GREB1L: variants seen among roughly 807,000 people sequenced by gnomAD.
GREB1L encodes the protein GREB1-like protein.
In GREB1L, 17 loss-of-function variants were observed where a neutral mutation model predicts 200.8. That is an observed-to-expected ratio of 0.08 (90% CI 0.06 to 0.13). The LOEUF (loss-of-function observed/expected upper bound fraction) is 0.13. GREB1L is among the 10% of genes least tolerant of loss of function. GREB1L has a pLI of 1.00. For synonymous variants in GREB1L, 789 were observed against 893.0 expected, an observed-to-expected ratio of 0.88 and a Z score of 2.08; for missense variants, 1,657 against 2,367.7, an observed-to-expected ratio of 0.70 and a Z score of 6.23.
At chr18:21,389,574 G>C (rs558723802) in intron 4 of GREB1L, among the ~76,000 whole-genome samples, 1 of 152,142 alleles carries the variant, frequency 6.6e-6, no homozygotes, top group East Asian at 1.9e-4. Flanking sequence ...CACAGAAATT[G>C]CTCTGAAATA....
chr18:21,278,402 AAAT>A (rs2038212195), intron 1 of GREB1L, among the ~76,000 whole-genome samples: 1 of 139,084 alleles, frequency 7.2e-6, no homozygotes, highest in African/African-American at 3.1e-5. Flanking sequence ...ATAAATAAAT[AAAT>A]AAATAAATAA....
intron 19 of GREB1L, among the ~76,000 whole-genome samples, chr18:21,494,277 T>C (rs2036459247): frequency 6.6e-6 from 1 of 152,226 alleles, no homozygotes; most frequent in Non-Finnish European, 1.5e-5. Flanking sequence ...ACATATATAA[T>C]AAAAGATTGG....
intron 2 of GREB1L, among the ~76,000 whole-genome samples, chr18:21,374,174 T>C (rs774302361): frequency 6.6e-6 from 1 of 152,110 alleles, no homozygotes; most frequent in African/African-American, 2.4e-5. Context: ...CAGTTAATTT[T>C]TGTATTTTTT....
In GREB1L at chr18:21,450,900, T is replaced by A; in HGVS notation, c.1721-123T>A. On this transcript the variant is annotated intron_variant, in intron 12 of 32. Coordinates refer to ENST00000424526, the MANE Select transcript of GREB1L (RefSeq NM_001142966.3). ...GTCCATACCTTTTGATGTGTCATAA[T>A]TTTCTTAACCCAAGTCCCTATAGTG... The A allele has an allele frequency of 3.4e-6, 3 of 871,596 alleles. No homozygotes were observed. In the South Asian group the frequency reaches 5.6e-5, roughly 16 times the overall value. The allele number at this position is 871,596 out of a possible 1,614,324, so 54.0% of individuals were successfully genotyped here. A position where few individuals can be genotyped will look rare whatever the true frequency, so the allele number is the denominator to read the frequency against.
chr18:21,489,915 T>C, intron 18 of GREB1L, 97 bp from the exon 19 acceptor site: 1 of 847,702 alleles, frequency 1.2e-6, no homozygotes, highest in Admixed American at 2.4e-5. Flanking sequence ...CAGTAGCCCC[T>C]TCCCCACCAT....
chr18:21,391,655 G>A (rs1480729815), intron 4 of GREB1L, among the ~76,000 whole-genome samples: 1 of 152,224 alleles, frequency 6.6e-6, no homozygotes, highest in Non-Finnish European at 1.5e-5. Flanking sequence ...GGTTAGAACA[G>A]ATCTGTGTTC....
At chr18:21,356,617 A>C (rs1245896697) in intron 1 of GREB1L, among the ~76,000 whole-genome samples, 1 of 152,172 alleles carries the variant, frequency 6.6e-6, no homozygotes, top group Non-Finnish European at 1.5e-5. Context: ...TATTATGAAT[A>C]ATGCTGTAGT....
Position 21,485,370 on chromosome 18 carries a change from T to C in GREB1L, c.2557-250T>C, listed in dbSNP as rs913732132. On this transcript the variant is annotated intron_variant, in intron 17 of 32. Coordinates refer to ENST00000424526, the MANE Select transcript of GREB1L (RefSeq NM_001142966.3). ...AACAAAAAAAAAAGAAAACAAACCA[T>C]GTGCCTGAAGGAAGTGTGTCAACTT... is the stretch of plus-strand genomic sequence containing the variant. 1.1e-5 allele frequency: 4 copies of C among 356,290 alleles called. No homozygotes were observed. The South Asian group carries it at 1.9e-4, about 17-fold the overall frequency. 22.1% of individuals were successfully genotyped at this position (356,290 alleles called of 1,614,324 possible).
intron 7 of GREB1L, among the ~76,000 whole-genome samples, chr18:21,430,230 T>C (rs1417429970): frequency 6.6e-6 from 1 of 152,176 alleles, no homozygotes; most frequent in East Asian, 1.9e-4. Flanking sequence ...CAATTCAGTC[T>C]ATAACAATGG....
chr18:21,438,424 G>T (rs2033681017), intron 7 of GREB1L, among the ~76,000 whole-genome samples: 1 of 151,956 alleles, frequency 6.6e-6, no homozygotes, highest in Non-Finnish European at 1.5e-5. Context: ...CAACACTTTG[G>T]GAAGCCAAGG....
At chr18:21,297,661 T>G (rs1159023595) in intron 1 of GREB1L, among the ~76,000 whole-genome samples, 1 of 152,172 alleles carries the variant, frequency 6.6e-6, no homozygotes, top group Non-Finnish European at 1.5e-5. Flanking sequence ...ATGGTCATGC[T>G]TAAGAATCGG....
chr18:21,384,689 C>T (rs2040463925), intron 4 of GREB1L, among the ~76,000 whole-genome samples: 1 of 152,038 alleles, frequency 6.6e-6, no homozygotes. Flanking sequence ...ATTCTAAACC[C>T]AGGTCAAGGC....
chr18:21,509,372 A>G (rs2037146924), intron 27 of GREB1L, among the ~76,000 whole-genome samples: 1 of 152,192 alleles, frequency 6.6e-6, no homozygotes, highest in Non-Finnish European at 1.5e-5. Context: ...AAGGGAAGTA[A>G]TAACACCCAG....
intron 1 of GREB1L, among the ~76,000 whole-genome samples, chr18:21,280,741 G>A (rs936108713): frequency 6.6e-6 from 1 of 152,016 alleles, no homozygotes; most frequent in African/African-American, 2.4e-5. Context: ...TGTCTGAGAT[G>A]TTTCTCAGTT....
intron 15 of GREB1L, among the ~76,000 whole-genome samples, chr18:21,471,698 C>T (rs553154723): frequency 9.9e-5 from 15 of 151,158 alleles, no homozygotes; most frequent in African/African-American, 2.7e-4. Context: ...CTCGGCACAC[C>T]GCAACCTCGG....
intron 1 of GREB1L, among the ~76,000 whole-genome samples, chr18:21,281,601 A>C (rs1471256356): frequency 2.0e-5 from 3 of 152,246 alleles, no homozygotes; most frequent in African/African-American, 7.2e-5. Context: ...ATGTTAATTA[A>C]TATTTGCTAT....
intron 1 of GREB1L, among the ~76,000 whole-genome samples, chr18:21,265,742 A>T (rs1435162499): frequency 1.3e-5 from 2 of 152,180 alleles, no homozygotes; most frequent in Non-Finnish European, 2.9e-5. Flanking sequence ...ACTCAATTGG[A>T]AGATGACACA....
chr18:21,513,852 A>G lies in GREB1L; in HGVS notation c.4767A>G (p.Ser1589=), dbSNP rs907497362. The change falls in exon 28 of 33, where the codon TCA becomes TCG. Residue 1589 remains serine (S), a synonymous_variant. Transcript: ENST00000424526. The part of the protein sequence containing the change: ...GAARFLIKEL[S]YHNLELERNR... The stretch of plus-strand genomic sequence containing the variant: ...CCAGGTTCCTCATCAAGGAGCTATC[A>G]TATCACAACCTAGAATTGGAGAGAA... 32 of 1,551,518 alleles carry G rather than the reference A, an allele frequency of 2.1e-5. No individual in the cohort carries two copies. The highest frequency in any genetic ancestry group is 2.4e-5 in the East Asian group (1 of 40,922).
intron 2 of GREB1L, among the ~76,000 whole-genome samples, chr18:21,379,430 T>C (rs2040213298): frequency 6.6e-6 from 1 of 152,136 alleles, no homozygotes; most frequent in Admixed American, 6.6e-5. Flanking sequence ...GGTCTCAAAC[T>C]CCTGACCTCA....
Sources: allele counts gnomAD v4.1 joint callset (sites outside exome capture counted in the v4.1 genomes callset), GRCh38; gene constraint gnomAD v4.1.1; transcripts MANE v1.5; gene names NCBI Gene and HGNC (gene_info 2026-07-23, HGNC 2026-07-21).